Variants in NRXN3 observed in about 807,000 individuals in gnomAD.
The protein encoded by NRXN3 is neurexin 3.
NRXN3 carries 32 observed loss-of-function variants against 137.6 expected under a neutral mutation model. The observed-to-expected ratio is 0.23, with a 90% CI of 0.18 to 0.31. The LOEUF (loss-of-function observed/expected upper bound fraction) is 0.31, where lower values mean the gene tolerates loss of function less well. NRXN3 is among the 10% of genes least tolerant of loss of function. The pLI is 1.00. For missense variants in NRXN3, 1,574 were observed against 2,062.5 expected (o/e 0.76, Z 4.59); for synonymous variants, 798 against 784.5 (o/e 1.02, Z -0.29).
chr14:79,321,382 A>T (rs2089991189), intron 15 of NRXN3, among the ~76,000 whole-genome samples: 1 of 152,298 alleles, frequency 6.6e-6, no homozygotes, highest in South Asian at 2.1e-4. Flanking sequence ...AGTCCTAACT[A>T]AAAACCATTT....
intron 4 of NRXN3, among the ~76,000 whole-genome samples, chr14:78,547,258 T>C (rs1211241822): frequency 6.6e-6 from 1 of 151,800 alleles, no homozygotes; most frequent in Admixed American, 6.6e-5. Flanking sequence ...CCAGCCTGGA[T>C]GCAGTGGCGA....
At chr14:79,011,976 C>G (rs1289943141) in intron 15 of NRXN3, among the ~76,000 whole-genome samples, 1 of 152,332 alleles carries the variant, frequency 6.6e-6, no homozygotes. Context: ...ACTGATTTGA[C>G]TCATTCCATT....
At chr14:79,543,787 A>G (rs1279710273) in intron 16 of NRXN3, among the ~76,000 whole-genome samples, 1 of 152,212 alleles carries the variant, frequency 6.6e-6, no homozygotes, top group Non-Finnish European at 1.5e-5. Context: ...CACAGTGGCC[A>G]CTCAGCTGCC....
At chr14:79,593,697 C>T (rs2097833884) in intron 16 of NRXN3, among the ~76,000 whole-genome samples, 1 of 148,836 alleles carries the variant, frequency 6.7e-6, no homozygotes, top group Non-Finnish European at 1.5e-5. Context: ...AAAAAGGCAA[C>T]AGCAGATATA....
At chr14:79,450,865 CA>C (rs778114303) in intron 15 of NRXN3, among the ~76,000 whole-genome samples, 131 of 118,528 alleles carry the variant, frequency 1.1e-3, no homozygotes, top group African/African-American at 1.9e-3. Context: ...GACTCTGTCT[CA>C]AAAAAAAAAA....
intron 10 of NRXN3, among the ~76,000 whole-genome samples, chr14:78,878,921 T>A (rs2099120785): frequency 6.6e-6 from 1 of 152,148 alleles, no homozygotes; most frequent in African/African-American, 2.4e-5. Context: ...TTGTTTTTTT[T>A]TTAGATTTCA....
chr14:79,345,662 G>A (rs1210327205), intron 15 of NRXN3, among the ~76,000 whole-genome samples: 1 of 152,086 alleles, frequency 6.6e-6, no homozygotes, highest in East Asian at 1.9e-4. Context: ...TTGGTAATAA[G>A]TGAATTCTCC....
At chr14:79,709,281 G>T (rs1021049622) in intron 19 of NRXN3, among the ~76,000 whole-genome samples, 7 of 151,970 alleles carry the variant, frequency 4.6e-5, no homozygotes, top group Non-Finnish European at 8.8e-5. Context: ...TCTTCCAAAT[G>T]GTCTTCCCAA....
intron 4 of NRXN3, among the ~76,000 whole-genome samples, chr14:78,403,480 G>C (rs2092260036): frequency 1.3e-5 from 2 of 152,156 alleles, no homozygotes; most frequent in Non-Finnish European, 2.9e-5. Flanking sequence ...GATAGGTTTG[G>C]CATGACACAA....
intron 8 of NRXN3, among the ~76,000 whole-genome samples, chr14:78,727,533 G>A (rs1484831835): frequency 1.3e-5 from 2 of 151,984 alleles, no homozygotes; most frequent in African/African-American, 4.8e-5. Context: ...ACCTGAGGTC[G>A]GGAGTTCAAG....
At chr14:79,224,668 A>G (rs533133976) in intron 15 of NRXN3, among the ~76,000 whole-genome samples, 8 of 152,196 alleles carry the variant, frequency 5.3e-5, no homozygotes, top group East Asian at 1.9e-4. Context: ...CACACTGGAG[A>G]TGAGTGGGCT....
chr14:79,683,920 C>T (rs1034993166), intron 17 of NRXN3, among the ~76,000 whole-genome samples: 2 of 152,136 alleles, frequency 1.3e-5, no homozygotes, highest in African/African-American at 2.4e-5. Context: ...TTCCTTCTAC[C>T]GTGTTTTACT....
chr14:79,246,188 C>A (rs2075157829), intron 15 of NRXN3, among the ~76,000 whole-genome samples: 1 of 152,170 alleles, frequency 6.6e-6, no homozygotes, highest in Non-Finnish European at 1.5e-5. Flanking sequence ...AACAAAATAA[C>A]CAACTTTGCA....
intron 4 of NRXN3, among the ~76,000 whole-genome samples, chr14:78,549,754 C>A (rs1331651339): frequency 1.3e-5 from 2 of 152,152 alleles, no homozygotes; most frequent in African/African-American, 4.8e-5. Context: ...TGTTTCTCTA[C>A]GTGAGCATGT....
At chr14:79,427,849 T>C (rs1225397999) in intron 15 of NRXN3, among the ~76,000 whole-genome samples, 1 of 151,008 alleles carries the variant, frequency 6.6e-6, no homozygotes, top group African/African-American at 2.4e-5. Flanking sequence ...AAAAAAAAAT[T>C]AAAAACTTAT....
intron 4 of NRXN3, among the ~76,000 whole-genome samples, chr14:78,385,026 T>C (rs888568483): frequency 6.6e-6 from 1 of 152,174 alleles, no homozygotes; most frequent in African/African-American, 2.4e-5. Flanking sequence ...CTGTCATTCT[T>C]TATTAGTTAA....
intron 4 of NRXN3, among the ~76,000 whole-genome samples, chr14:78,349,919 A>G (rs2083250019): frequency 6.6e-6 from 1 of 152,236 alleles, no homozygotes; most frequent in South Asian, 2.1e-4. Flanking sequence ...TAGGACACCT[A>G]GCTCCTGCCA....
intron 15 of NRXN3, among the ~76,000 whole-genome samples, chr14:79,421,189 T>C (rs1278209907): frequency 6.6e-6 from 1 of 152,212 alleles, no homozygotes; most frequent in Non-Finnish European, 1.5e-5. Flanking sequence ...AAAAAGGGTA[T>C]ACTTCAATTT....
chr14:79,417,582 A>G (rs2197993), intron 15 of NRXN3, among the ~76,000 whole-genome samples: 115,776 of 151,970 alleles, frequency 0.76, 44,374 homozygotes, highest in Middle Eastern at 0.87. Context: ...CCATCTGTGA[A>G]GAAGCCCTTC....
Sources: allele counts gnomAD v4.1 joint callset (sites outside exome capture counted in the v4.1 genomes callset), GRCh38; gene constraint gnomAD v4.1.1; transcripts MANE v1.5; gene names NCBI Gene and HGNC (gene_info 2026-07-23, HGNC 2026-07-21).